TRRAP: variants seen among roughly 807,000 people sequenced by gnomAD.
TRRAP encodes transformation/transcription domain associated protein, also known as transformation/transcription domain-associated protein.
Under a neutral mutation model 438.8 loss-of-function variants are expected in TRRAP, and 41 were observed. The ratio of observed to expected loss-of-function variants is 0.09; its 90% CI spans 0.07 to 0.12. The LOEUF (loss-of-function observed/expected upper bound fraction) is 0.12, where lower values mean the gene tolerates loss of function less well. Among genes scored for constraint, TRRAP ranks in the 10% least tolerant of loss-of-function variants. The pLI is 1.00. For synonymous variants in TRRAP, 1,994 were observed against 1,962.9 expected, an observed-to-expected ratio of 1.02 and a Z score of -0.42; for missense variants, 3,122 against 5,055.1, an observed-to-expected ratio of 0.62 and a Z score of 11.60.
intron 20 of TRRAP, 63 bp from the exon 21 acceptor site, chr7:98,921,690 T>G: frequency 6.2e-7 from 1 of 1,602,058 alleles, no homozygotes; most frequent in East Asian, 2.2e-5. Context: ...TTTTGAGTTT[T>G]GATCCGAACC....
chr7:98,914,300 C>T (rs1265859598), intron 18 of TRRAP, among the ~76,000 whole-genome samples: 1 of 151,676 alleles, frequency 6.6e-6, no homozygotes, highest in Non-Finnish European at 1.5e-5. Flanking sequence ...CTCAGGAAGC[C>T]GAAGAGAGAG....
chr7:99,003,942 G>A (rs574567154), intron 67 of TRRAP, among the ~76,000 whole-genome samples: 9 of 152,134 alleles, frequency 5.9e-5, no homozygotes, highest in East Asian at 5.8e-4. Context: ...GCCTGGTGGC[G>A]GGTGCCTGTA....
Position 98,976,317 on chromosome 7 carries a change from T to G in TRRAP, c.7959+49T>G. On this transcript the variant is annotated intron_variant, in intron 54 of 72. Coordinates refer to ENST00000456197, the MANE Select transcript of TRRAP (RefSeq NM_001375524.1). The surrounding 1 kb of genome is among the most constrained non-coding windows in gnomAD (Gnocchi z 4.6). ...TTTTGGAAAATTGTAGTTTTAGCTT[T>G]TGGTAAGTATTCATAAAAGAACACA... 1 of 1,607,202 alleles carries G rather than the reference T, an allele frequency of 6.2e-7. No individual in the cohort carries two copies. The highest frequency in any genetic ancestry group is 8.5e-7 in the Non-Finnish European group (1 of 1,176,808).
chr7:98,910,015 G>T lies in TRRAP; in HGVS notation c.1351-41G>T, dbSNP rs1554408344. The T allele has an allele frequency of 7.2e-6, 11 of 1,527,504 alleles. No homozygotes were observed. The African/African-American group carries it at 1.1e-4, about 15-fold the overall frequency. 94.6% of individuals were successfully genotyped at this position (1,527,504 alleles called of 1,614,324 possible). A position where few individuals can be genotyped will look rare whatever the true frequency, so the allele number is the denominator to read the frequency against. ...GAGCAGTATTTGGCCTGTTGAAGAA[G>T]AATAATTCTGTCTTCCCTCTTGAAT... is the stretch of plus-strand genomic sequence containing the variant. On this transcript the variant is annotated intron_variant, in intron 14 of 72. Coordinates refer to ENST00000456197, the MANE Select transcript of TRRAP (RefSeq NM_001375524.1).
intron 30 of TRRAP, 35 bp from the exon 31 acceptor site, chr7:98,942,914 G>A: frequency 8.1e-6 from 13 of 1,613,120 alleles, no homozygotes; most frequent in African/African-American, 1.3e-5. Flanking sequence ...TGCACCTACT[G>A]TGAAGTTGTG....
chr7:98,985,027 C>G lies in TRRAP; in HGVS notation c.9372C>G (p.Phe3124Leu). 6.2e-7 allele frequency: 1 copy of G among 1,610,914 alleles called. No individual in the cohort carries two copies. Among genetic ancestry groups the G allele is most frequent in the Non-Finnish European group, 8.5e-7 (1 of 1,177,716 alleles). ...TAEFYALKGM[F>L]LAQINKSEEA... ...AATTTTATGCACTGAAGGGAATGTT[C>G]TTGGCTCAGATCAACAAGTATGTAT... is the stretch of plus-strand genomic sequence containing the variant. Residue 3124 changes from phenylalanine (F) to leucine (L), a missense_variant, in exon 62 of 73, where the codon TTC (phenylalanine) becomes TTG (leucine). Physicochemically the swap from Phe to Leu is conservative, Grantham distance 22 (BLOSUM62 0). This residue lies in a region of TRRAP where 129 missense variants were observed against 279.2 expected (regional missense o/e 0.46). Transcript: ENST00000456197.
intron 65 of TRRAP, among the ~76,000 whole-genome samples, chr7:98,993,117 T>C (rs889778938): frequency 1.3e-5 from 2 of 152,192 alleles, no homozygotes; most frequent in African/African-American, 4.8e-5. Context: ...TCTCTGAGTT[T>C]ATAGTAGCAA....
intron 26 of TRRAP, 61 bp from the exon 27 acceptor site, chr7:98,933,180 A>T (rs1790405666): frequency 1.3e-6 from 2 of 1,497,962 alleles, no homozygotes; most frequent in Non-Finnish European, 1.8e-6. Flanking sequence ...TCACATTTTT[A>T]AAAAGTGTTT....
At chr7:98,915,599 C>A in intron 18 of TRRAP, 124 bp from the exon 19 acceptor site, 1 of 1,227,956 alleles carries the variant, frequency 8.1e-7, no homozygotes, top group Non-Finnish European at 1.1e-6. Flanking sequence ...GGTTTTTTCC[C>A]TTTGGAGTAA....
At position 98,882,016 on chromosome 7, in the gene TRRAP, A is replaced by G; in HGVS notation, c.142A>G (p.Asn48Asp). 6.2e-7 allele frequency: 1 copy of G among 1,611,506 alleles called. No homozygotes were observed. The highest frequency in any genetic ancestry group is 8.5e-7 in the Non-Finnish European group (1 of 1,179,478). ...KLKMMQEVSE[N>D]FENVTSSPQY... ...GAAAATGATGCAAGAAGTTAGTGAA[A>G]ATTTTGAGGTATGAGCATTATATTT... Residue 48 changes from asparagine to aspartate, a missense_variant, in exon 3 of 73, where the codon AAT (asparagine) becomes GAT (aspartate). Physicochemically the swap from Asn to Asp is conservative, Grantham distance 23. Transcript: ENST00000456197.
At chr7:98,929,194 C>T (rs535958926) in intron 23 of TRRAP, among the ~76,000 whole-genome samples, 27 of 152,196 alleles carry the variant, frequency 1.8e-4, no homozygotes, top group African/African-American at 6.5e-4. Flanking sequence ...CCCGCCTCGG[C>T]CTCCCAAAGT....
At chr7:98,957,805 T>C (rs1402935313) in intron 43 of TRRAP, among the ~76,000 whole-genome samples, 176 bp from the exon 44 acceptor site, 1 of 152,236 alleles carries the variant, frequency 6.6e-6, no homozygotes. Flanking sequence ...GCCCTCCTGC[T>C]GGCTGTGTCG....
intron 70 of TRRAP, 74 bp from the exon 71 acceptor site, chr7:99,010,978 G>A (rs1794401735): frequency 6.9e-7 from 1 of 1,449,760 alleles, no homozygotes; most frequent in Non-Finnish European, 9.5e-7. Context: ...AAGAGGAATT[G>A]CAATTTGAGA....
intron 4 of TRRAP, among the ~76,000 whole-genome samples, chr7:98,890,970 T>G (rs953628197): frequency 1.3e-5 from 2 of 150,670 alleles, no homozygotes; most frequent in African/African-American, 4.8e-5. Context: ...TTTAAAAAAT[T>G]TTCTGTAGAG....
At chr7:98,894,021 T>G in intron 6 of TRRAP, 140 bp downstream of exon 6, 1 of 742,808 alleles carries the variant, frequency 1.3e-6, no homozygotes, top group Non-Finnish European at 2.3e-6. Context: ...GGCAATTCTT[T>G]ATGAGTTTAA....
chr7:98,971,191 T>G (rs2116708466), intron 52 of TRRAP, among the ~76,000 whole-genome samples: 1 of 152,352 alleles, frequency 6.6e-6, no homozygotes, highest in Non-Finnish European at 1.5e-5. Context: ...AACACTAGAT[T>G]ACCTGGTCAT....
intron 62 of TRRAP, among the ~76,000 whole-genome samples, chr7:98,988,403 G>A (rs1365412230): frequency 6.6e-6 from 1 of 152,200 alleles, no homozygotes; most frequent in Non-Finnish European, 1.5e-5. Flanking sequence ...TGTTCTATGT[G>A]TGCAATGGAA....
At chr7:99,002,032 G>T (rs1382786659) in intron 67 of TRRAP, among the ~76,000 whole-genome samples, 4 of 151,702 alleles carry the variant, frequency 2.6e-5, no homozygotes, top group African/African-American at 9.7e-5. Flanking sequence ...CAACTTGGAT[G>T]TGTACTGAGG....
chr7:98,937,843 C>A (rs782692497), intron 30 of TRRAP, 23 bp downstream of exon 30: 6 of 1,590,748 alleles, frequency 3.8e-6, no homozygotes, highest in Non-Finnish European at 4.3e-6. Context: ...CATTTAAACG[C>A]TCTGTAACAA....
Sources: allele counts gnomAD v4.1 joint callset (sites outside exome capture counted in the v4.1 genomes callset), GRCh38; gene constraint gnomAD v4.1.1; regional missense constraint gnomAD v4.1.1; non-coding constraint Gnocchi (gnomAD v3.1); transcripts MANE v1.5; gene names NCBI Gene and HGNC (gene_info 2026-07-23, HGNC 2026-07-21).